Variants in PCBD2 observed in about 807,000 individuals in gnomAD.
The protein encoded by PCBD2 is pterin-4-alpha-carbinolamine dehydratase 2.
In PCBD2, 12 loss-of-function variants were observed where a neutral mutation model predicts 16.4. That is an observed-to-expected ratio of 0.73 (90% CI 0.47 to 1.19). The LOEUF is 1.19. Among genes scored for constraint, PCBD2 ranks in the 50% most tolerant of loss-of-function variants. PCBD2 has a pLI of 0.00. For missense variants in PCBD2, 138 were observed against 156.8 expected (o/e 0.88, Z 0.64); for synonymous variants, 58 against 61.8 (o/e 0.94, Z 0.29).
intron 2 of PCBD2, among the ~76,000 whole-genome samples, chr5:134,942,162 A>C (rs1039420950): frequency 6.6e-6 from 1 of 151,444 alleles, no homozygotes; most frequent in African/African-American, 2.4e-5. Context: ...ATTGTAGGAA[A>C]CTTATTTTTG....
intron 2 of PCBD2, among the ~76,000 whole-genome samples, chr5:134,917,063 T>A (rs1214475272): frequency 2.0e-5 from 3 of 152,258 alleles, no homozygotes; most frequent in African/African-American, 7.2e-5. Flanking sequence ...AACTGCAGGA[T>A]GTCTGTGTTG....
intron 2 of PCBD2, among the ~76,000 whole-genome samples, chr5:134,919,393 A>G (rs1750875854): frequency 6.6e-6 from 1 of 152,226 alleles, no homozygotes; most frequent in Non-Finnish European, 1.5e-5. Context: ...AATCTGTGCC[A>G]GGTTTAGACT....
intron 3 of PCBD2, 112 bp from the exon 4 acceptor site, chr5:134,960,474 C>T (rs1384575785): frequency 2.8e-6 from 2 of 709,446 alleles, no homozygotes; most frequent in East Asian, 2.8e-5. Flanking sequence ...TCATTTAATC[C>T]CCCTAATTCT....
At chr5:134,924,018 A>C (rs1251506590) in intron 2 of PCBD2, 1 of 395,094 alleles carries the variant, frequency 2.5e-6, no homozygotes, top group Non-Finnish European at 4.5e-6. Context: ...AATTAATTTT[A>C]TCAAGGGGTT....
chr5:134,939,686 G>C (rs1042503635), intron 2 of PCBD2, among the ~76,000 whole-genome samples: 13 of 152,164 alleles, frequency 8.5e-5, no homozygotes, highest in Non-Finnish European at 1.8e-4. Flanking sequence ...TTTCTGGAAA[G>C]GCTGATACAG....
intron 2 of PCBD2, among the ~76,000 whole-genome samples, chr5:134,914,821 G>A (rs1435364540): frequency 6.6e-6 from 1 of 151,914 alleles, no homozygotes; most frequent in African/African-American, 2.4e-5. Flanking sequence ...ACAGGCGCCC[G>A]CCATCATGCC....
At chr5:134,941,636 TA>T (rs1751229414) in intron 2 of PCBD2, among the ~76,000 whole-genome samples, 1 of 152,092 alleles carries the variant, frequency 6.6e-6, no homozygotes, top group Non-Finnish European at 1.5e-5. Flanking sequence ...TAAAAATAAG[TA>T]AAGAAAACCA....
intron 2 of PCBD2, among the ~76,000 whole-genome samples, chr5:134,915,578 G>T (rs1319679357): frequency 1.3e-5 from 2 of 150,784 alleles, no homozygotes; most frequent in Non-Finnish European, 2.9e-5. Context: ...CTCCTGAGTA[G>T]CTGGTACTAC....
chr5:134,960,449 G>A (rs570146903), intron 3 of PCBD2, 137 bp from the exon 4 acceptor site: 8 of 642,678 alleles, frequency 1.2e-5, no homozygotes, highest in African/African-American at 5.6e-5. Context: ...TATTCATAAT[G>A]TAGTATTTTC....
chr5:134,905,213 TAGCGGCCATGGTGAGTGCAC>T lies in PCBD2; in HGVS notation c.82_84+17del, dbSNP rs1750667231. 1 of 1,223,112 alleles carries T rather than the reference TAGCGGCCATGGTGAGTGCAC, an allele frequency of 8.2e-7. No individual in the cohort carries two copies. Among genetic ancestry groups the T allele is most frequent in the Non-Finnish European group, 1.0e-6 (1 of 982,870 alleles). The allele number at this position is 1,223,112 out of a possible 1,614,324, so 75.8% of individuals were successfully genotyped here. A position where few individuals can be genotyped will look rare whatever the true frequency, so the allele number is the denominator to read the frequency against. Reference sequence around the variant, plus strand: ...GCGCTGCGAGGCCAGAGCCTAGGGCTAGCGGCCATGGTGAGTGCACAGCGGCCGCGTGGGTGGGGGTCCGG... The same window carrying T: ...GCGCTGCGAGGCCAGAGCCTAGGGCTAGCGGCCGCGTGGGTGGGGGTCCGG... On this transcript the variant is annotated splice_donor_variant and splice_donor_5th_base_variant and coding_sequence_variant and intron_variant, in exon 1 of 4. Coordinates refer to ENST00000254908, the MANE Select transcript of PCBD2 (RefSeq NM_032151.5). LOFTEE classifies it high-confidence loss of function.
chr5:134,910,432 T>A lies in PCBD2; in HGVS notation c.182T>A (p.Ile61Asn). The change falls in exon 2 of 4, where the codon ATC (isoleucine) becomes AAC (asparagine). Residue 61 changes from isoleucine to asparagine, a missense_variant. Transcript: ENST00000254908. ...TCGGAATTAAGTGAGAGAGATGCCA[T>A]CTACAAAGAATTCTCCTTCCACAAT... ...GWSELSERDAIYKEFSFHNFN... is the reference protein window; with the variant it reads ...GWSELSERDANYKEFSFHNFN... The A allele has an allele frequency of 6.2e-7, 1 of 1,614,164 alleles. No homozygotes were observed. The highest frequency in any genetic ancestry group is 8.5e-7 in the Non-Finnish European group (1 of 1,179,974).
intron 2 of PCBD2, chr5:134,924,337 C>T (rs1158355160): frequency 2.5e-5 from 10 of 394,272 alleles, no homozygotes; most frequent in Non-Finnish European, 4.0e-5. Context: ...TATACTACAG[C>T]GGTGGCTATT....
At chr5:134,936,640 A>G (rs558731198) in intron 2 of PCBD2, among the ~76,000 whole-genome samples, 7 of 152,290 alleles carry the variant, frequency 4.6e-5, no homozygotes, top group Non-Finnish European at 7.3e-5. Context: ...CCATTGCAGT[A>G]TGATTTTGTT....
intron 2 of PCBD2, among the ~76,000 whole-genome samples, chr5:134,946,786 G>A (rs1751300570): frequency 6.6e-6 from 1 of 152,116 alleles, no homozygotes; most frequent in South Asian, 2.1e-4. Flanking sequence ...AGATGATGGG[G>A]GAGTAGGCAT....
rs764104968 is a variant in PCBD2 at position 134,959,069 on chromosome 5, A to G, written c.246A>G (p.Leu82=). 1 of 1,614,048 alleles carries G rather than the reference A, an allele frequency of 6.2e-7. No individual in the cohort carries two copies. Among genetic ancestry groups the G allele is most frequent in the South Asian group, 1.1e-5 (1 of 91,052 alleles). The change falls in exon 3 of 4, where the codon CTA becomes CTG. Residue 82 remains leucine, a synonymous_variant. Coordinates refer to ENST00000254908, the MANE Select transcript of PCBD2 (RefSeq NM_032151.5). Reference sequence around the variant, plus strand: ...TTGGCTTTATGTCCCGAGTTGCCCTACAAGCAGAGAAGATGAATCATCACC... The same window carrying G: ...TTGGCTTTATGTCCCGAGTTGCCCTGCAAGCAGAGAAGATGAATCATCACC... The part of the protein sequence containing the change: ...QAFGFMSRVA[L]QAEKMNHHPE...
At chr5:134,944,935 A>G (rs559471695) in intron 2 of PCBD2, among the ~76,000 whole-genome samples, 3 of 152,366 alleles carry the variant, frequency 2.0e-5, no homozygotes, top group East Asian at 3.9e-4. Context: ...GTGTCCCAAC[A>G]GGACATAAAT....
chr5:134,957,682 G>A (rs1751429345), intron 2 of PCBD2, among the ~76,000 whole-genome samples: 1 of 152,274 alleles, frequency 6.6e-6, no homozygotes, highest in African/African-American at 2.4e-5. Flanking sequence ...AACATAGTGA[G>A]ACCCTGTCTC....
Position 134,952,278 on chromosome 5 carries a change from A to G in PCBD2, c.217-6762A>G, listed in dbSNP as rs1344679145. ...AGAATATATTCTATCGTATTAAGGA[A>G]GGATGCATCTATTCCTATCTATCAG... On this transcript the variant is annotated intron_variant, in intron 2 of 3. Coordinates refer to ENST00000254908, the MANE Select transcript of PCBD2 (RefSeq NM_032151.5). Among the ~76,000 whole-genome samples the G allele has an allele frequency of 2.0e-5, 3 of 152,112 alleles. No homozygotes were observed. In the East Asian group the frequency reaches 5.8e-4, roughly 29 times the overall value.
At chr5:134,920,277 T>C (rs1750887037) in intron 2 of PCBD2, among the ~76,000 whole-genome samples, 1 of 152,212 alleles carries the variant, frequency 6.6e-6, no homozygotes, top group Non-Finnish European at 1.5e-5. Flanking sequence ...ATGGAATTAC[T>C]TGTGGTCATA....
Sources: gnomAD v4.1 joint callset for allele counts (sites outside exome capture counted in the v4.1 genomes callset) on GRCh38, gnomAD v4.1.1 for gene constraint, MANE v1.5 for transcripts, NCBI Gene and HGNC (gene_info 2026-07-23, HGNC 2026-07-21) for gene names.